The following SPRY2 variants were observed in gnomAD, a reference collection of about 807,000 sequenced individuals.
SPRY2 encodes the protein protein sprouty homolog 2.
SPRY2 carries 10 observed loss-of-function variants against 23.4 expected under a neutral mutation model. That is an observed-to-expected ratio of 0.43 (90% CI 0.26 to 0.73). The LOEUF is 0.73. Among genes scored for constraint, SPRY2 ranks in the 30% least tolerant of loss-of-function variants. The pLI is 0.22. For missense variants in SPRY2, 344 were observed against 396.9 expected, an observed-to-expected ratio of 0.87 and a Z score of 1.13; for synonymous variants, 170 against 156.9, an observed-to-expected ratio of 1.08 and a Z score of -0.62.
chr13:80,336,847 T>G lies in SPRY2; in HGVS notation c.859A>C (p.Asn287His). 2 of 1,614,172 alleles carry G rather than the reference T, an allele frequency of 1.2e-6. No homozygotes were observed. The highest frequency in any genetic ancestry group is 1.1e-5 in the South Asian group (1 of 91,088). Reference protein sequence around the residue: ...KLCQGCYDRVNRPGCRCKNSN... With the variant: ...KLCQGCYDRVHRPGCRCKNSN... Reference sequence around the variant, plus strand: ...TTTTTACAGCGGCAACCAGGCCTGTTAACCCGGTCATAACACCCCTGGCAC... The same window carrying G: ...TTTTTACAGCGGCAACCAGGCCTGTGAACCCGGTCATAACACCCCTGGCAC... The change falls in exon 2 of 2, where the codon AAC (asparagine) becomes CAC (histidine). Residue 287 changes from asparagine (N) to histidine (H), a missense_variant. Physicochemically the swap from Asn to His is moderately conservative, Grantham distance 68. Transcript: ENST00000377104.
intron 1 of SPRY2, chr13:80,339,087 C>A (rs936770293): frequency 3.3e-5 from 5 of 152,300 alleles, no homozygotes; most frequent in Admixed American, 2.6e-4. Context: ...TCCCCCGCCT[C>A]CCTCTCCCCA....
Position 80,337,654 on chromosome 13 carries a change from G to T in SPRY2, c.52C>A (p.Pro18Thr). ...CCACGCTGTCTGCCACCGTCACGGG[G>T]CGTCTGCAGCAAGGGCTGCGACCCG... Reference protein sequence around the residue: ...GNGSQPLLQTPRDGGRQRGEP... With the variant: ...GNGSQPLLQTTRDGGRQRGEP... Residue 18 changes from proline to threonine, a missense_variant, in exon 2 of 2, where the codon CCC becomes ACC. Transcript: ENST00000377104. 7 of 1,613,700 alleles carry T rather than the reference G, an allele frequency of 4.3e-6. No individual in the cohort carries two copies. Among genetic ancestry groups the T allele is most frequent in the Non-Finnish European group, 5.9e-6 (7 of 1,180,042 alleles).
chr13:80,338,184 GC>G (rs1446566972), intron 1 of SPRY2, among the ~76,000 whole-genome samples: 2 of 152,162 alleles, frequency 1.3e-5, no homozygotes, highest in African/African-American at 4.8e-5. Context: ...CGTTAATAAT[GC>G]AACCTAGAAG....
Position 80,341,041 on chromosome 13 carries a change from C to CGGGCGCGGGGGCCT in SPRY2, c.-485_-472dup, listed in dbSNP as rs1402119900. On this transcript the variant is annotated 5_prime_UTR_variant, in exon 1 of 2. Coordinates refer to ENST00000377104, the MANE Select transcript of SPRY2 (RefSeq NM_005842.4). ...GGGGCGCGGGCCGGGCCGGGCCGGG[C>CGGGCGCGGGGGCCT]GGGCGCGGGGGCCTGGGCGCTGCGC... 1 of 146,870 alleles carries CGGGCGCGGGGGCCT rather than the reference C, an allele frequency of 6.8e-6. No individual in the cohort carries two copies. Among genetic ancestry groups the CGGGCGCGGGGGCCT allele is most frequent in the Non-Finnish European group, 1.5e-5 (1 of 65,352 alleles). The allele number at this position is 146,870 out of a possible 1,614,324, so 9.1% of individuals were successfully genotyped here. A position where few individuals can be genotyped will look rare whatever the true frequency, so the allele number is the denominator to read the frequency against.
At chr13:80,338,483 A>G (rs370444122) in intron 1 of SPRY2, among the ~76,000 whole-genome samples, 1 of 152,228 alleles carries the variant, frequency 6.6e-6, no homozygotes, top group African/African-American at 2.4e-5. Context: ...AGAATTAACT[A>G]TTTTACAGTC....
chr13:80,336,421 G>C lies in SPRY2; in HGVS notation c.*337C>G. ...ACAAAAATATAGCACATTCTCTCTG[G>C]AGAAAACAATGGAAAAAAGTCATCT... On this transcript the variant is annotated 3_prime_UTR_variant, in exon 2 of 2. Coordinates refer to ENST00000377104, the MANE Select transcript of SPRY2 (RefSeq NM_005842.4). 2 of 368,436 alleles carry C rather than the reference G, an allele frequency of 5.4e-6. No individual in the cohort carries two copies. Among genetic ancestry groups the C allele is most frequent in the East Asian group, 1.3e-4 (2 of 15,624 alleles). The allele number at this position is 368,436 out of a possible 1,614,324, so 22.8% of individuals were successfully genotyped here.
Position 80,336,921 on chromosome 13 carries a change from A to C in SPRY2, c.785T>G (p.Phe262Cys). ...RWSAMGVMSLFLPCLWCYLPA... is the reference protein window; with the variant it reads ...RWSAMGVMSLCLPCLWCYLPA... Reference sequence around the variant, plus strand: ...AAGGTAACACCATAAACAAGGCAAAAAGAGGGACATGACACCCATGGCTGA... The same window carrying C: ...AAGGTAACACCATAAACAAGGCAAACAGAGGGACATGACACCCATGGCTGA... The change falls in exon 2 of 2, where the codon TTT becomes TGT. Residue 262 changes from phenylalanine (F) to cysteine (C), a missense_variant. Physicochemically the swap from Phe to Cys is radical, Grantham distance 205 (BLOSUM62 -2). Coordinates refer to ENST00000377104, the MANE Select transcript of SPRY2 (RefSeq NM_005842.4). 1.9e-6 allele frequency: 3 copies of C among 1,614,134 alleles called. No homozygotes were observed. Among genetic ancestry groups the C allele is most frequent in the Non-Finnish European group, 2.5e-6 (3 of 1,180,044 alleles).
chr13:80,340,768 AAG>A lies in SPRY2; in HGVS notation c.-200_-199del, dbSNP rs1566317775. On this transcript the variant is annotated 5_prime_UTR_variant, in exon 1 of 2. Coordinates refer to ENST00000377104, the MANE Select transcript of SPRY2 (RefSeq NM_005842.4). ...TTCCGAGCAATCGGCGGGAGAAAAAAAGAGAATTCGGAGCCAGATTCCCCGCT... is the reference window on the plus strand; with the variant it reads ...TTCCGAGCAATCGGCGGGAGAAAAAAAGAATTCGGAGCCAGATTCCCCGCT... 1 of 152,256 alleles carries A rather than the reference AAG, an allele frequency of 6.6e-6. No homozygotes were observed. The highest frequency in any genetic ancestry group is 1.5e-5 in the Non-Finnish European group (1 of 68,064). The allele number at this position is 152,256 out of a possible 1,614,324, so 9.4% of individuals were successfully genotyped here.
intron 1 of SPRY2, chr13:80,339,528 G>A (rs2137728010): frequency 6.6e-6 from 1 of 152,264 alleles, no homozygotes; most frequent in East Asian, 1.9e-4. Flanking sequence ...TGCAGTCAAA[G>A]TAGCATCTTT....
Position 80,337,415 on chromosome 13 carries a change from C to G in SPRY2, c.291G>C (p.Ser97=), listed in dbSNP as rs954848759. Residue 97 remains serine (S), a synonymous_variant, in exon 2 of 2, where the codon TCG becomes TCC. Coordinates refer to ENST00000377104, the MANE Select transcript of SPRY2 (RefSeq NM_005842.4). ...EHRQPPRLQH[S]QVHSSARAPL... ...GGGCTCGTGCAGAAGAATGGACCTGCGAGTGCTGGAGCCTAGGAGGCTGGC... is the reference window on the plus strand; with the variant it reads ...GGGCTCGTGCAGAAGAATGGACCTGGGAGTGCTGGAGCCTAGGAGGCTGGC... 5 of 1,614,130 alleles carry G rather than the reference C, an allele frequency of 3.1e-6. No homozygotes were observed. The Admixed American group carries it at 8.3e-5, about 27-fold the overall frequency.
rs372480996 is a variant in SPRY2, at chr13:80,337,656, G to A, written c.50C>T (p.Thr17Met). The A allele has an allele frequency of 4.3e-6, 7 of 1,613,692 alleles. No homozygotes were observed. In the African/African-American group the frequency reaches 5.3e-5, roughly 12 times the overall value. ...ACGCTGTCTGCCACCGTCACGGGGC[G>A]TCTGCAGCAAGGGCTGCGACCCGTT... ...SGNGSQPLLQTPRDGGRQRGE... is the reference protein window; with the variant it reads ...SGNGSQPLLQMPRDGGRQRGE... The change falls in exon 2 of 2, where the codon ACG (threonine) becomes ATG (methionine). Residue 17 changes from threonine to methionine, a missense_variant. Thr to Met is a moderately conservative substitution (Grantham distance 81). Coordinates refer to ENST00000377104, the MANE Select transcript of SPRY2 (RefSeq NM_005842.4).
chr13:80,336,409 A>G lies in SPRY2; in HGVS notation c.*349T>C, dbSNP rs1880252262. The stretch of plus-strand genomic sequence containing the variant: ...ATTATTGTATATACAAAAATATAGC[A>G]CATTCTCTCTGGAGAAAACAATGGA... On this transcript the variant is annotated 3_prime_UTR_variant, in exon 2 of 2. Coordinates refer to ENST00000377104, the MANE Select transcript of SPRY2 (RefSeq NM_005842.4). 5.7e-6 allele frequency: 2 copies of G among 351,694 alleles called. No homozygotes were observed. Among genetic ancestry groups the G allele is most frequent in the Non-Finnish European group, 1.1e-5 (2 of 187,250 alleles). 21.8% of individuals were successfully genotyped at this position (351,694 alleles called of 1,614,324 possible).
chr13:80,338,086 T>A (rs1236954478), intron 1 of SPRY2, among the ~76,000 whole-genome samples: 1 of 152,240 alleles, frequency 6.6e-6, no homozygotes, highest in Non-Finnish European at 1.5e-5. Flanking sequence ...TGCTGGAATA[T>A]AACACTGCTA....
At position 80,337,185 on chromosome 13, in the gene SPRY2, T is replaced by A; in HGVS notation, c.521A>T (p.His174Leu). ...GCCACAGTCCTCACACCTGTAGGCG[T>A]GCAGGCCCAAATCTTCCTTGCTCAG... Reference protein sequence around the residue: ...KPLSKEDLGLHAYRCEDCGKC... With the variant: ...KPLSKEDLGLLAYRCEDCGKC... The change falls in exon 2 of 2, where the codon CAC becomes CTC. Residue 174 changes from histidine to leucine, a missense_variant. Coordinates refer to ENST00000377104, the MANE Select transcript of SPRY2 (RefSeq NM_005842.4). The A allele has an allele frequency of 6.2e-7, 1 of 1,612,664 alleles. No individual in the cohort carries two copies. The highest frequency in any genetic ancestry group is 8.5e-7 in the Non-Finnish European group (1 of 1,178,738).
rs759785348 is a variant in SPRY2 at position 80,337,498 on chromosome 13, C to T, written c.208G>A (p.Ala70Thr). 1 of 1,614,162 alleles carries T rather than the reference C, an allele frequency of 6.2e-7. No homozygotes were observed. The change falls in exon 2 of 2, where the codon GCT becomes ACT. Residue 70 changes from alanine to threonine, a missense_variant. Transcript: ENST00000377104. ...TVVPRPGLKP[A>T]PRPSTQHKHE... ...TTGTGCTGAGTGGAGGGGCGAGGAGCAGGCTTGAGCCCAGGTCTTGGGACG... is the reference window on the plus strand; with the variant it reads ...TTGTGCTGAGTGGAGGGGCGAGGAGTAGGCTTGAGCCCAGGTCTTGGGACG...
At chr13:80,339,325 C>T (rs983297410) in intron 1 of SPRY2, 11 of 151,924 alleles carry the variant, frequency 7.2e-5, no homozygotes, top group African/African-American at 2.7e-4. Flanking sequence ...CTGCACTGAC[C>T]GAAGGGGGCA....
Position 80,337,186 on chromosome 13 carries a change from G to A in SPRY2, c.520C>T (p.His174Tyr). The A allele has an allele frequency of 1.9e-6, 3 of 1,612,632 alleles. No homozygotes were observed. The highest frequency in any genetic ancestry group is 2.5e-6 in the Non-Finnish European group (3 of 1,178,718). Reference sequence around the variant, plus strand: ...CCACAGTCCTCACACCTGTAGGCGTGCAGGCCCAAATCTTCCTTGCTCAGT... The same window carrying A: ...CCACAGTCCTCACACCTGTAGGCGTACAGGCCCAAATCTTCCTTGCTCAGT... ...KPLSKEDLGL[H>Y]AYRCEDCGKC... The change falls in exon 2 of 2, where the codon CAC becomes TAC. Residue 174 changes from histidine (H) to tyrosine (Y), a missense_variant. By Grantham distance (83) the His-to-Tyr change is moderately conservative. Transcript: ENST00000377104.
In SPRY2 at chr13:80,336,698, A is replaced by G; in HGVS notation, c.*60T>C. ...ATTATAACTGTTTAGTTGGTTGCAT[A>G]TGTGTATTAAAAAAAGAAAGAAAAA... On this transcript the variant is annotated 3_prime_UTR_variant, in exon 2 of 2. Transcript: ENST00000377104. 1 of 1,462,996 alleles carries G rather than the reference A, an allele frequency of 6.8e-7. No individual in the cohort carries two copies. Among genetic ancestry groups the G allele is most frequent in the Non-Finnish European group, 9.4e-7 (1 of 1,060,720 alleles). The allele number at this position is 1,462,996 out of a possible 1,614,324, so 90.6% of individuals were successfully genotyped here.
chr13:80,337,007 A>C lies in SPRY2; in HGVS notation c.699T>G (p.Asp233Glu), dbSNP rs573193459. The change falls in exon 2 of 2, where the codon GAT becomes GAG. Residue 233 changes from aspartate to glutamate, a missense_variant. Physicochemically the swap from Asp to Glu is conservative, Grantham distance 45 (BLOSUM62 2). Coordinates refer to ENST00000377104, the MANE Select transcript of SPRY2 (RefSeq NM_005842.4). ...ATGGGTTGTCAGCACAGTTGTCCTC[A>C]TCATCATTAGAACAGTGATAGAAGA... ...KGLFYHCSNDDEDNCADNPCS... is the reference protein window; with the variant it reads ...KGLFYHCSNDEEDNCADNPCS... 6.2e-7 allele frequency: 1 copy of C among 1,614,244 alleles called. No individual in the cohort carries two copies. The highest frequency in any genetic ancestry group is 1.1e-5 in the South Asian group (1 of 91,090).
Sources: allele counts gnomAD v4.1 joint callset (sites outside exome capture counted in the v4.1 genomes callset), GRCh38; gene constraint gnomAD v4.1.1; transcripts MANE v1.5; gene names NCBI Gene and HGNC (gene_info 2026-07-23, HGNC 2026-07-21).